EPS15: variants seen among roughly 807,000 people sequenced by gnomAD.
EPS15 encodes epidermal growth factor receptor substrate 15.
EPS15 carries 72 observed loss-of-function variants against 113.8 expected under a neutral mutation model. That is an observed-to-expected ratio of 0.63 (90% CI 0.52 to 0.77). The LOEUF (loss-of-function observed/expected upper bound fraction) is 0.77. Ranked by LOEUF, EPS15 falls within the 30% of genes least tolerant of loss-of-function variation. The pLI is 0.00. For missense variants in EPS15, 1,048 were observed against 1,045.8 expected, an observed-to-expected ratio of 1.00 and a Z score of -0.03; for synonymous variants, 344 against 363.4, an observed-to-expected ratio of 0.95 and a Z score of 0.61.
intron 24 of EPS15, among the ~76,000 whole-genome samples, chr1:51,357,390 AAATATAT>A (rs1418418533): frequency 3.6e-5 from 2 of 56,202 alleles, no homozygotes; most frequent in African/African-American, 2.0e-4. Flanking sequence ...AAAAAAAAAA[AAATATAT>A]ATATATATAT....
intron 12 of EPS15, among the ~76,000 whole-genome samples, chr1:51,431,214 G>C (rs914649607): frequency 6.6e-6 from 1 of 152,028 alleles, no homozygotes; most frequent in Non-Finnish European, 1.5e-5. Flanking sequence ...AAGTATGATG[G>C]TACTATGGGA....
Position 51,409,620 on chromosome 1 carries a change from AGT to A in EPS15, c.1188_1189del (p.Glu396AspfsTer3), listed in dbSNP as rs767057190. 6 of 1,613,736 alleles carry A rather than the reference AGT, an allele frequency of 3.7e-6. No homozygotes were observed. Among genetic ancestry groups the A allele is most frequent in the Non-Finnish European group, 4.2e-6 (5 of 1,179,850 alleles). On this transcript the variant is annotated frameshift_variant, in exon 14 of 25. Transcript: ENST00000371733. LOFTEE classifies it high-confidence loss of function. ...TTTCTGCTCATCCAGTTCATCAAGGAGTTCCTGTACCTGCTGTTTCTGGGCCT... is the reference window on the plus strand; with the variant it reads ...TTTCTGCTCATCCAGTTCATCAAGGATCCTGTACCTGCTGTTTCTGGGCCT...
chr1:51,499,967 T>C (rs1287916688), intron 1 of EPS15, among the ~76,000 whole-genome samples: 2 of 152,210 alleles, frequency 1.3e-5, no homozygotes, highest in African/African-American at 2.4e-5. Flanking sequence ...CTTCAACCCC[T>C]TGTTACCAAT....
chr1:51,379,013 T>A (rs12079186), intron 21 of EPS15, among the ~76,000 whole-genome samples: 2,830 of 152,088 alleles, frequency 0.019, 90 homozygotes, highest in African/African-American at 0.066. Flanking sequence ...CTCAAAAGAG[T>A]CCTATGCTGA....
At chr1:51,364,829 C>T (rs938101289) in intron 22 of EPS15, among the ~76,000 whole-genome samples, 12 of 150,488 alleles carry the variant, frequency 8.0e-5, no homozygotes, top group African/African-American at 3.0e-4. Flanking sequence ...CAAACTGATC[C>T]CATAAAAGGA....
At chr1:51,412,790 C>T (rs1286464873) in intron 13 of EPS15, among the ~76,000 whole-genome samples, 2 of 152,206 alleles carry the variant, frequency 1.3e-5, no homozygotes, top group African/African-American at 2.4e-5. Flanking sequence ...TCATACATGT[C>T]CTATAGATTC....
rs184220601 is a variant in EPS15, at chr1:51,401,792, C to G, written c.1882+643G>C. On this transcript the variant is annotated intron_variant, in intron 18 of 24. Transcript: ENST00000371733. ...CCGAGGCAGGCGGATCACCTTACAT[C>G]AGGAGTTCAAGACCAGCCTGGTCAA... is the stretch of plus-strand genomic sequence containing the variant. Among the ~76,000 whole-genome samples the G allele has an allele frequency of 2.0e-5, 3 of 152,254 alleles. No individual in the cohort carries two copies. The East Asian group carries it at 5.8e-4, about 29-fold the overall frequency.
In EPS15 at chr1:51,355,814, C is replaced by G. The variant is rs1051325462; in HGVS notation, c.*886G>C. On this transcript the variant is annotated 3_prime_UTR_variant, in exon 25 of 25. Transcript: ENST00000371733. The stretch of plus-strand genomic sequence containing the variant: ...AGTACAAAAATTAACCCACTAAGAA[C>G]TAAACAGGACAGGGCCACGGCAAAG... The G allele has an allele frequency of 6.6e-5, 13 of 196,790 alleles. No individual in the cohort carries two copies. Among genetic ancestry groups the G allele is most frequent in the Admixed American group, 2.4e-4 (4 of 16,458 alleles). The allele number at this position is 196,790 out of a possible 1,614,324, so 12.2% of individuals were successfully genotyped here. A position where few individuals can be genotyped will look rare whatever the true frequency, so the allele number is the denominator to read the frequency against.
At chr1:51,405,629 C>T (rs952505907) in intron 16 of EPS15, among the ~76,000 whole-genome samples, 9 of 151,452 alleles carry the variant, frequency 5.9e-5, no homozygotes, top group African/African-American at 1.9e-4. Context: ...ACCCAGGAGA[C>T]GGAGGTTGCA....
At chr1:51,456,963 A>G (rs114973893) in intron 8 of EPS15, among the ~76,000 whole-genome samples, 6,699 of 152,252 alleles carry the variant, frequency 0.044, 226 homozygotes, top group Middle Eastern at 0.11. Context: ...TTGAGTCACA[A>G]AAAATGTTCT....
intron 1 of EPS15, among the ~76,000 whole-genome samples, chr1:51,504,946 C>A (rs1464988030): frequency 6.6e-6 from 1 of 152,100 alleles, no homozygotes; most frequent in Admixed American, 6.6e-5. Flanking sequence ...CATGGTAAAA[C>A]CCTGTCTCTA....
At chr1:51,440,316 T>A (rs757646008) in intron 12 of EPS15, 31 bp downstream of exon 12, 1 of 861,278 alleles carries the variant, frequency 1.2e-6, no homozygotes, top group South Asian at 1.5e-5. Context: ...TGTGTGTGTA[T>A]GTGAGTAGGC....
At chr1:51,511,579 TGTCA>T (rs1332027141) in intron 1 of EPS15, among the ~76,000 whole-genome samples, 14 of 152,284 alleles carry the variant, frequency 9.2e-5, no homozygotes, top group Non-Finnish European at 2.1e-4. Context: ...AGGAAATATT[TGTCA>T]GTGTCTGGAG....
intron 21 of EPS15, among the ~76,000 whole-genome samples, chr1:51,390,754 A>G (rs1258615448): frequency 3.9e-5 from 6 of 152,188 alleles, no homozygotes; most frequent in Admixed American, 3.9e-4. Flanking sequence ...GCAAATCAAA[A>G]CCACAATGAG....
chr1:51,357,958 C>T (rs1254227522), intron 24 of EPS15, among the ~76,000 whole-genome samples: 2 of 151,960 alleles, frequency 1.3e-5, no homozygotes, highest in Admixed American at 6.6e-5. Context: ...AGGCTGATCT[C>T]GAACTCCTGA....
chr1:51,423,454 T>C, intron 12 of EPS15: 1 of 985,442 alleles, frequency 1.0e-6, no homozygotes, highest in African/African-American at 1.7e-5. Flanking sequence ...TTCCTCCTTA[T>C]GTGAGCAGAT....
At chr1:51,446,015 A>C (rs978807324) in intron 10 of EPS15, among the ~76,000 whole-genome samples, 2 of 152,142 alleles carry the variant, frequency 1.3e-5, no homozygotes, top group Admixed American at 6.5e-5. Context: ...AATCTTTCCC[A>C]GTCTTGGGTT....
chr1:51,516,752 T>C (rs1450105861), intron 1 of EPS15, among the ~76,000 whole-genome samples: 1 of 151,766 alleles, frequency 6.6e-6, no homozygotes, highest in East Asian at 1.9e-4. Flanking sequence ...ATGAAAATCA[T>C]CAACATATGA....
At chr1:51,398,772 T>C (rs1290975275) in intron 20 of EPS15, among the ~76,000 whole-genome samples, 1 of 152,202 alleles carries the variant, frequency 6.6e-6, no homozygotes, top group Non-Finnish European at 1.5e-5. Flanking sequence ...GTATCCTCAA[T>C]AGGATAAGAT....
Sources: allele counts gnomAD v4.1 joint callset (sites outside exome capture counted in the v4.1 genomes callset), GRCh38; gene constraint gnomAD v4.1.1; transcripts MANE v1.5; gene names NCBI Gene and HGNC (gene_info 2026-07-23, HGNC 2026-07-21).